The following NET1 variants were observed in gnomAD, a reference collection of about 807,000 sequenced individuals.
NET1 encodes neuroepithelial cell-transforming gene 1 protein.
NET1 carries 42 observed loss-of-function variants against 61.1 expected under a neutral mutation model. That is an observed-to-expected ratio of 0.69 (90% CI 0.54 to 0.89). NET1 has a LOEUF of 0.89. Ranked by LOEUF, NET1 falls within the 40% of genes least tolerant of loss-of-function variation. The pLI is 0.00. For synonymous variants in NET1, 254 were observed against 281.8 expected (o/e 0.90, Z 0.99); for missense variants, 654 against 747.3 (o/e 0.88, Z 1.46).
chr10:5,450,993 C>G (rs933419699), intron 3 of NET1, among the ~76,000 whole-genome samples: 1 of 152,172 alleles, frequency 6.6e-6, no homozygotes, highest in South Asian at 2.1e-4. Flanking sequence ...TCTAATTTAT[C>G]TATGAATCCC....
rs1457185924 is a variant in NET1 at position 5,449,648 on chromosome 10, A to G, written c.256-2182A>G. On this transcript the variant is annotated intron_variant, in intron 3 of 11. Transcript: ENST00000355029. This position sits in a 1 kb window ranked among gnomAD's most constrained non-coding sequence, Gnocchi z 4.4. ...AAATTCTGTAGTTTTAAAATATCAC[A>G]TAATTTTGAGTTACCAGGAAGTTAG... Among the ~76,000 whole-genome samples the G allele has an allele frequency of 1.3e-5, 2 of 152,226 alleles. No homozygotes were observed. The highest frequency in any genetic ancestry group is 6.5e-5 in the Admixed American group (1 of 15,284).
At chr10:5,436,191 TGTG>T (rs1832430255) in intron 3 of NET1, among the ~76,000 whole-genome samples, 1 of 14,942 alleles carries the variant, frequency 6.7e-5, no homozygotes, top group African/African-American at 2.8e-4. Context: ...GTGTGTTGTG[TGTG>T]TGTGTGTGTG....
Position 5,455,965 on chromosome 10 carries a change from C to T in NET1, c.1198-122C>T. 1.0e-6 allele frequency: 1 copy of T among 990,060 alleles called. No individual in the cohort carries two copies. Among genetic ancestry groups the T allele is most frequent in the Non-Finnish European group, 1.4e-6 (1 of 690,704 alleles). The allele number at this position is 990,060 out of a possible 1,614,324, so 61.3% of individuals were successfully genotyped here. A position where few individuals can be genotyped will look rare whatever the true frequency, so the allele number is the denominator to read the frequency against. On this transcript the variant is annotated intron_variant, in intron 10 of 11. Coordinates refer to ENST00000355029, the MANE Select transcript of NET1 (RefSeq NM_001047160.3). The surrounding 1 kb of genome is among the most constrained non-coding windows in gnomAD (Gnocchi z 6.5). Reference sequence around the variant, plus strand: ...TCTTTATGGATTACTAGATTTGTCACTTAGAGAGATCTTCGAAAAATAAAT... The same window carrying T: ...TCTTTATGGATTACTAGATTTGTCATTTAGAGAGATCTTCGAAAAATAAAT...
rs952879257 is a variant in NET1 at position 5,454,590 on chromosome 10, C to A, written c.1026+68C>A. ...ACATTAGGCTGCTTTAGAACGTTAT[C>A]TTCTGAAGATGCTGATTCACATCAG... On this transcript the variant is annotated intron_variant, in intron 9 of 11. Transcript: ENST00000355029. This position sits in a 1 kb window ranked among gnomAD's most constrained non-coding sequence, Gnocchi z 8.1. 2 of 1,511,742 alleles carry A rather than the reference C, an allele frequency of 1.3e-6. No homozygotes were observed. The highest frequency in any genetic ancestry group is 4.1e-5 in the Admixed American group (2 of 48,692). The allele number at this position is 1,511,742 out of a possible 1,614,324, so 93.6% of individuals were successfully genotyped here.
Position 5,453,163 on chromosome 10 carries a change from T to C in NET1, c.595-87T>C. The C allele has an allele frequency of 1.2e-6, 1 of 844,676 alleles. No individual in the cohort carries two copies. The highest frequency in any genetic ancestry group is 2.0e-6 in the Non-Finnish European group (1 of 494,174). The allele number at this position is 844,676 out of a possible 1,614,324, so 52.3% of individuals were successfully genotyped here. A position where few individuals can be genotyped will look rare whatever the true frequency, so the allele number is the denominator to read the frequency against. On this transcript the variant is annotated intron_variant, in intron 6 of 11. Transcript: ENST00000355029. The surrounding 1 kb of genome is among the most constrained non-coding windows in gnomAD (Gnocchi z 4.9). ...CAAACAGAATCCACGCTAGCTTTTA[T>C]GTAATTAATTCTCTTTGTTTCCAAG... is the stretch of plus-strand genomic sequence containing the variant.
intron 1 of NET1, among the ~76,000 whole-genome samples, chr10:5,425,577 C>G (rs912135682): frequency 3.3e-5 from 5 of 152,174 alleles, no homozygotes; most frequent in African/African-American, 1.2e-4. Context: ...CAGATATACC[C>G]CTAACCAATC....
Position 5,420,320 on chromosome 10 carries a change from G to A in NET1, c.129-6335G>A, listed in dbSNP as rs533226910. On this transcript the variant is annotated intron_variant, in intron 1 of 11. Coordinates refer to ENST00000355029, the MANE Select transcript of NET1 (RefSeq NM_001047160.3). This position sits in a 1 kb window ranked among gnomAD's most constrained non-coding sequence, Gnocchi z 5.3. ...AGTAGAAAGGTTAGAAAAAACAGGA[G>A]GAGGAAGCTAAATACATTATGATAT... Among the ~76,000 whole-genome samples the A allele has an allele frequency of 4.1e-4, 62 of 152,166 alleles. No individual in the cohort carries two copies. The highest frequency in any genetic ancestry group is 4.1e-4 in the Non-Finnish European group (28 of 68,036).
At position 5,427,299 on chromosome 10, in the gene NET1, T is replaced by C. The variant is rs1832272757; in HGVS notation, c.195+578T>C. Among the ~76,000 whole-genome samples, 1 of 152,190 alleles carries C rather than the reference T, an allele frequency of 6.6e-6. No homozygotes were observed. The highest frequency in any genetic ancestry group is 2.1e-4 in the South Asian group (1 of 4,834). ...ACGTACAAATAGATCATGATTCTTA[T>C]GCTTATCTAGGAAAAATAGCAAAAG... is the stretch of plus-strand genomic sequence containing the variant. On this transcript the variant is annotated intron_variant, in intron 2 of 11. Transcript: ENST00000355029. The surrounding 1 kb of genome is among the most constrained non-coding windows in gnomAD (Gnocchi z 4.1).
rs1832411865 is a variant in NET1 at position 5,435,459 on chromosome 10, T to C, written c.255+6230T>C. Among the ~76,000 whole-genome samples, 1 of 151,866 alleles carries C rather than the reference T, an allele frequency of 6.6e-6. No homozygotes were observed. Among genetic ancestry groups the C allele is most frequent in the African/African-American group, 2.4e-5 (1 of 41,298 alleles). On this transcript the variant is annotated intron_variant, in intron 3 of 11. Coordinates refer to ENST00000355029, the MANE Select transcript of NET1 (RefSeq NM_001047160.3). The surrounding 1 kb of genome is among the most constrained non-coding windows in gnomAD (Gnocchi z 5.0). Reference sequence around the variant, plus strand: ...TGTTGCTAGGAGCCATTCTACTTTATATGCCTCCGTGCCTGAGATAGATAG... The same window carrying C: ...TGTTGCTAGGAGCCATTCTACTTTACATGCCTCCGTGCCTGAGATAGATAG...
rs1302021867 is a variant in NET1 at position 5,415,607 on chromosome 10, T to A, written c.128+2787T>A. ...GGCATGTGTCACCACGTGTGGCTAA[T>A]TTTTTGTATTTTTAGTAAAGACAGG... On this transcript the variant is annotated intron_variant, in intron 1 of 11. Coordinates refer to ENST00000355029, the MANE Select transcript of NET1 (RefSeq NM_001047160.3). This position sits in a 1 kb window ranked among gnomAD's most constrained non-coding sequence, Gnocchi z 4.7. Among the ~76,000 whole-genome samples, 5 of 152,070 alleles carry A rather than the reference T, an allele frequency of 3.3e-5. No homozygotes were observed. Among genetic ancestry groups the A allele is most frequent in the Non-Finnish European group, 7.4e-5 (5 of 68,000 alleles).
Position 5,435,542 on chromosome 10 carries a change from C to CAGATAGATAGATAGAT in NET1, c.255+6319_255+6334dup, listed in dbSNP as rs1196984049. On this transcript the variant is annotated intron_variant, in intron 3 of 11. Coordinates refer to ENST00000355029, the MANE Select transcript of NET1 (RefSeq NM_001047160.3). This position sits in a 1 kb window ranked among gnomAD's most constrained non-coding sequence, Gnocchi z 5.0. Reference sequence around the variant, plus strand: ...ATAGATAGATAGATAGACAGACAGACAGATAGATAGATAGATAGATAAAAT... The same window carrying CAGATAGATAGATAGAT: ...ATAGATAGATAGATAGACAGACAGACAGATAGATAGATAGATAGATAGATAGATAGATAGATAAAAT... Among the ~76,000 whole-genome samples the CAGATAGATAGATAGAT allele has an allele frequency of 2.2e-5, 3 of 139,050 alleles. No individual in the cohort carries two copies. The highest frequency in any genetic ancestry group is 7.8e-5 in the African/African-American group (3 of 38,470). The allele number at this position is 139,050 out of a possible 152,430, so 91.2% of individuals were successfully genotyped here.
rs1200678566 is a variant in NET1, at chr10:5,439,817, T to G, written c.255+10588T>G. On this transcript the variant is annotated intron_variant, in intron 3 of 11. Transcript: ENST00000355029. This position sits in a 1 kb window ranked among gnomAD's most constrained non-coding sequence, Gnocchi z 4.8. ...ATGTGATATACCAGGTCACATGGCC[T>G]GAACAGCAGGGCAGTTTGCACCACA... Among the ~76,000 whole-genome samples the G allele has an allele frequency of 6.6e-6, 1 of 152,222 alleles. No individual in the cohort carries two copies. The highest frequency in any genetic ancestry group is 6.5e-5 in the Admixed American group (1 of 15,282).
intron 3 of NET1, among the ~76,000 whole-genome samples, chr10:5,450,909 T>C (rs1204776844): frequency 2.6e-5 from 4 of 152,244 alleles, no homozygotes; most frequent in Admixed American, 2.6e-4. Flanking sequence ...CAATAACATG[T>C]AGAATCATAA....
chr10:5,436,139 C>T (rs1382084559), intron 3 of NET1, among the ~76,000 whole-genome samples: 161 of 128,628 alleles, frequency 1.3e-3, no homozygotes, highest in African/African-American at 4.4e-3. Flanking sequence ...CTCAGTTTTC[C>T]GTTTTCCTAG....
chr10:5,437,283 T>C lies in NET1; in HGVS notation c.255+8054T>C, dbSNP rs1180151624. ...AATGACTACAGATATATGATTATCC[T>C]GTATATATGCTATAGCTTGCTTTTT... is the stretch of plus-strand genomic sequence containing the variant. On this transcript the variant is annotated intron_variant, in intron 3 of 11. Coordinates refer to ENST00000355029, the MANE Select transcript of NET1 (RefSeq NM_001047160.3). This position sits in a 1 kb window ranked among gnomAD's most constrained non-coding sequence, Gnocchi z 4.3. Among the ~76,000 whole-genome samples the C allele has an allele frequency of 6.6e-6, 1 of 152,230 alleles. No individual in the cohort carries two copies. The highest frequency in any genetic ancestry group is 1.5e-5 in the Non-Finnish European group (1 of 68,034).
Position 5,455,973 on chromosome 10 carries a change from G to T in NET1, c.1198-114G>T. 5.6e-6 allele frequency: 6 copies of T among 1,064,984 alleles called. No homozygotes were observed. Among genetic ancestry groups the T allele is most frequent in the Non-Finnish European group, 8.0e-6 (6 of 754,512 alleles). 66.0% of individuals were successfully genotyped at this position (1,064,984 alleles called of 1,614,324 possible). A position where few individuals can be genotyped will look rare whatever the true frequency, so the allele number is the denominator to read the frequency against. Reference sequence around the variant, plus strand: ...GATTACTAGATTTGTCACTTAGAGAGATCTTCGAAAAATAAATCTGATGAA... The same window carrying T: ...GATTACTAGATTTGTCACTTAGAGATATCTTCGAAAAATAAATCTGATGAA... On this transcript the variant is annotated intron_variant, in intron 10 of 11. Coordinates refer to ENST00000355029, the MANE Select transcript of NET1 (RefSeq NM_001047160.3). This position sits in a 1 kb window ranked among gnomAD's most constrained non-coding sequence, Gnocchi z 6.5.
Position 5,416,595 on chromosome 10 carries a change from A to G in NET1, c.128+3775A>G, listed in dbSNP as rs1832085422. 6.6e-6 allele frequency among the ~76,000 whole-genome samples: 1 copy of G among 152,200 alleles called. No individual in the cohort carries two copies. The highest frequency in any genetic ancestry group is 1.5e-5 in the Non-Finnish European group (1 of 68,044). On this transcript the variant is annotated intron_variant, in intron 1 of 11. Coordinates refer to ENST00000355029, the MANE Select transcript of NET1 (RefSeq NM_001047160.3). The surrounding 1 kb of genome is among the most constrained non-coding windows in gnomAD (Gnocchi z 6.1). The stretch of plus-strand genomic sequence containing the variant: ...TTCAACAGTGTTTTGTAGTTTTCAG[A>G]GTATAGTTCTGCATGTTTTGCTAAA...
At chr10:5,432,435 T>C (rs1317432554) in intron 3 of NET1, among the ~76,000 whole-genome samples, 1 of 152,210 alleles carries the variant, frequency 6.6e-6, no homozygotes, top group African/African-American at 2.4e-5. Flanking sequence ...TTTTATGTTT[T>C]CTTGCATTTT....
rs556235489 is a variant in NET1, at chr10:5,455,260, C to A, written c.1197+142C>A. The A allele has an allele frequency of 1.1e-5, 7 of 661,440 alleles. No homozygotes were observed. The South Asian group carries it at 1.4e-4, about 13-fold the overall frequency. 41.0% of individuals were successfully genotyped at this position (661,440 alleles called of 1,614,324 possible). Reference sequence around the variant, plus strand: ...GCCAATTTTAATTTTATATTACCAGCTTGATAAAGCCAACAAAGAAGATAC... The same window carrying A: ...GCCAATTTTAATTTTATATTACCAGATTGATAAAGCCAACAAAGAAGATAC... On this transcript the variant is annotated intron_variant, in intron 10 of 11. Transcript: ENST00000355029. The surrounding 1 kb of genome is among the most constrained non-coding windows in gnomAD (Gnocchi z 6.5).
Sources: gnomAD v4.1 joint callset for allele counts (sites outside exome capture counted in the v4.1 genomes callset) on GRCh38, gnomAD v4.1.1 for gene constraint, Gnocchi (gnomAD v3.1) non-coding constraint, MANE v1.5 for transcripts, NCBI Gene and HGNC (gene_info 2026-07-23, HGNC 2026-07-21) for gene names.